The following PCDH11X variants were observed in gnomAD, a reference collection of about 807,000 sequenced individuals.
PCDH11X encodes protocadherin-11 X-linked.
Under a neutral mutation model 53.3 loss-of-function variants are expected in PCDH11X, and 18 were observed. The ratio of observed to expected loss-of-function variants is 0.34; its 90% CI spans 0.23 to 0.50. The LOEUF (loss-of-function observed/expected upper bound fraction) is 0.50. PCDH11X is among the 20% of genes least tolerant of loss of function. The probability of loss-of-function intolerance (pLI) is 0.98; values close to 1 mark genes in which losing one functional copy is unlikely to be tolerated. For missense variants in PCDH11X, 570 were observed against 1,032.4 expected (o/e 0.55, Z 6.14); for synonymous variants, 279 against 393.3 (o/e 0.71, Z 3.44).
At chrX:91,946,591 A>ATATATT (rs1401623259) in intron 6 of PCDH11X, among the ~76,000 whole-genome samples, 8 of 90,076 alleles carry the variant, frequency 8.9e-5, no homozygotes, top group African/African-American at 3.3e-4. Flanking sequence ...ATATATATAT[A>ATATATT]TATATATAGC....
intron 6 of PCDH11X, among the ~76,000 whole-genome samples, chrX:91,930,459 A>G (rs1253039519): frequency 2.8e-5 from 3 of 106,237 alleles, no homozygotes; most frequent in African/African-American, 1.0e-4. Flanking sequence ...TTTTTGGCAG[A>G]AAAGAGTAAG....
chrX:92,438,321 C>T (rs1569486622), intron 9 of PCDH11X, among the ~76,000 whole-genome samples: 1 of 111,393 alleles, frequency 9.0e-6, no homozygotes. Flanking sequence ...GGTGCTGTTG[C>T]TTTCACTCAA....
intron 7 of PCDH11X, among the ~76,000 whole-genome samples, chrX:92,240,101 CTTTGT>C (rs1380390898): frequency 8.9e-6 from 1 of 111,824 alleles, no homozygotes; most frequent in Non-Finnish European, 1.9e-5. Flanking sequence ...TAACTGGATT[CTTTGT>C]TCAGGGTTTC....
intron 6 of PCDH11X, among the ~76,000 whole-genome samples, chrX:91,998,527 G>A (rs2062456616): frequency 9.3e-6 from 1 of 107,337 alleles, no homozygotes; most frequent in Admixed American, 1.0e-4. Context: ...CTTAGGTTGT[G>A]GATCTATTTG....
At chrX:92,142,683 C>T (rs1361919509) in intron 6 of PCDH11X, among the ~76,000 whole-genome samples, 2 of 111,181 alleles carry the variant, frequency 1.8e-5, no homozygotes, top group Admixed American at 9.6e-5. Context: ...CACACCCATT[C>T]AAAGTATTTT....
At chrX:92,077,985 G>C (rs1205519056) in intron 6 of PCDH11X, among the ~76,000 whole-genome samples, 29 of 109,790 alleles carry the variant, frequency 2.6e-4, no homozygotes, top group African/African-American at 8.9e-4. Flanking sequence ...GAAAATAAGT[G>C]CTTTATAAAG....
intron 5 of PCDH11X, among the ~76,000 whole-genome samples, chrX:91,843,095 ACATATTTAAT>A (rs2147637063): frequency 9.4e-6 from 1 of 106,587 alleles, no homozygotes; most frequent in East Asian, 3.0e-4. Flanking sequence ...TAAATTTAAC[ACATATTTAAT>A]GAGTGCTCAA....
chrX:92,598,294 G>C (rs1279132970), intron 10 of PCDH11X, among the ~76,000 whole-genome samples: 1 of 110,031 alleles, frequency 9.1e-6, no homozygotes, highest in African/African-American at 3.3e-5. Context: ...CCCCAGACAA[G>C]GTTTTAACAA....
At chrX:92,604,375 A>C (rs1286719844) in intron 10 of PCDH11X, among the ~76,000 whole-genome samples, 3 of 110,330 alleles carry the variant, frequency 2.7e-5, no homozygotes, top group Non-Finnish European at 3.8e-5. Context: ...ACATTAAGTC[A>C]AAAACAACTA....
At chrX:92,409,648 A>T (rs1403604443) in intron 9 of PCDH11X, among the ~76,000 whole-genome samples, 1 of 112,261 alleles carries the variant, frequency 8.9e-6, no homozygotes, top group Non-Finnish European at 1.9e-5. Flanking sequence ...CACAATTTCA[A>T]ACCTTGTGGT....
intron 4 of PCDH11X, among the ~76,000 whole-genome samples, chrX:91,823,832 T>C (rs1356885808): frequency 9.0e-6 from 1 of 111,462 alleles, no homozygotes; most frequent in East Asian, 2.8e-4. Flanking sequence ...CTTTCCATAT[T>C]TAGCGCTTCC....
At chrX:92,613,739 A>T (rs1295507536) in intron 10 of PCDH11X, among the ~76,000 whole-genome samples, 1 of 110,544 alleles carries the variant, frequency 9.0e-6, no homozygotes, top group Non-Finnish European at 1.9e-5. Flanking sequence ...TTGTTTTCCA[A>T]GTTACCTACA....
chrX:92,035,727 T>C (rs1278663804), intron 6 of PCDH11X, among the ~76,000 whole-genome samples: 1 of 18,638 alleles, frequency 5.4e-5, no homozygotes, highest in African/African-American at 2.3e-4. Context: ...TTAAATATAC[T>C]TTCTACCCCT....
chrX:91,882,927 T>A (rs1939982041), intron 6 of PCDH11X: 1 of 1,185,869 alleles, frequency 8.4e-7, no homozygotes, highest in East Asian at 3.0e-5. Flanking sequence ...GGACATCAAC[T>A]ATTGAAATCT....
chrX:91,859,921 G>A (rs902506191), intron 5 of PCDH11X, among the ~76,000 whole-genome samples: 6 of 110,513 alleles, frequency 5.4e-5, no homozygotes, highest in East Asian at 5.7e-4. Context: ...TGTTGTTTTC[G>A]CTTGGAATTG....
intron 8 of PCDH11X, among the ~76,000 whole-genome samples, chrX:92,375,153 TA>T (rs2070711847): frequency 1.7e-4 from 2 of 11,674 alleles, no homozygotes; most frequent in Non-Finnish European, 4.8e-4. Context: ...TATATATATA[TA>T]TATATATATA....
chrX:92,502,078 G>T (rs1210227451), intron 10 of PCDH11X, among the ~76,000 whole-genome samples: 1 of 109,985 alleles, frequency 9.1e-6, no homozygotes, highest in African/African-American at 3.3e-5. Flanking sequence ...ACCAACAAAA[G>T]GCAAGCAGAG....
At chrX:92,481,057 C>T (rs1244741588) in intron 10 of PCDH11X, among the ~76,000 whole-genome samples, 1 of 110,509 alleles carries the variant, frequency 9.0e-6, no homozygotes, top group East Asian at 2.9e-4. Flanking sequence ...CTTTGTGCAC[C>T]CTCTATGTGC....
intron 10 of PCDH11X, among the ~76,000 whole-genome samples, chrX:92,517,805 C>G (rs1226632784): frequency 9.0e-6 from 1 of 110,881 alleles, no homozygotes; most frequent in Non-Finnish European, 1.9e-5. Context: ...CATCCATAAA[C>G]TTTGGGTGAA....
Sources: allele counts gnomAD v4.1 joint callset (sites outside exome capture counted in the v4.1 genomes callset), GRCh38; gene constraint gnomAD v4.1.1; transcripts MANE v1.5; gene names NCBI Gene and HGNC (gene_info 2026-07-23, HGNC 2026-07-21).